The following DOCK5 variants were observed in gnomAD, a reference collection of about 807,000 sequenced individuals.
The protein encoded by DOCK5 is dedicator of cytokinesis 5.
A neutral mutation model predicts 251.8 loss-of-function variants in DOCK5; 142 were observed. The observed-to-expected ratio is 0.56, with a 90% CI of 0.49 to 0.65. The LOEUF is 0.65. DOCK5 is among the 30% of genes least tolerant of loss of function. The probability of loss-of-function intolerance (pLI) is 0.00; values close to 1 mark genes in which losing one functional copy is unlikely to be tolerated. For missense variants in DOCK5, 2,111 were observed against 2,312.3 expected (o/e 0.91, Z 1.79); for synonymous variants, 842 against 835.5 (o/e 1.01, Z -0.13).
In DOCK5 at chr8:25,295,396, A is replaced by T. The variant is rs1033778217; in HGVS notation, c.471-1117A>T. Among the ~76,000 whole-genome samples the T allele has an allele frequency of 5.9e-5, 9 of 151,384 alleles. 1 individual carries two copies. Among genetic ancestry groups the T allele is most frequent in the South Asian group, 4.2e-4 (2 of 4,812 alleles). Reference sequence around the variant, plus strand: ...TTAAGGCTGTCTCTAAAAAAAATAAAAATAAATAAATTCTCACAACAACCT... The same window carrying T: ...TTAAGGCTGTCTCTAAAAAAAATAATAATAAATAAATTCTCACAACAACCT... On this transcript the variant is annotated intron_variant, in intron 6 of 51. Transcript: ENST00000276440.
chr8:25,393,106 T>C (rs990053101), intron 44 of DOCK5, among the ~76,000 whole-genome samples: 1 of 152,152 alleles, frequency 6.6e-6, no homozygotes, highest in Non-Finnish European at 1.5e-5. Context: ...AATGACTCTT[T>C]TATGTCCAGA....
At chr8:25,336,951 T>G (rs1348074803) in intron 22 of DOCK5, among the ~76,000 whole-genome samples, 5 of 152,218 alleles carry the variant, frequency 3.3e-5, no homozygotes, top group African/African-American at 1.2e-4. Context: ...TTAAAATTTT[T>G]TTCTAAGGAA....
chr8:25,351,579 T>G, intron 26 of DOCK5, 152 bp from the exon 27 acceptor site: 1 of 605,362 alleles, frequency 1.7e-6, no homozygotes, highest in Non-Finnish European at 3.0e-6. Context: ...TATATATTAT[T>G]CTGTGAGACC....
chr8:25,318,905 T>C (rs1805344211), intron 14 of DOCK5, among the ~76,000 whole-genome samples: 1 of 152,132 alleles, frequency 6.6e-6, no homozygotes. Context: ...AGGAAGCAGA[T>C]AGCTAGGCAG....
chr8:25,331,894 A>G (rs1805692589), intron 18 of DOCK5, among the ~76,000 whole-genome samples: 1 of 151,660 alleles, frequency 6.6e-6, no homozygotes, highest in Non-Finnish European at 1.5e-5. Context: ...AGACATAGGT[A>G]GTGATAAGGG....
chr8:25,267,484 T>G (rs1370608814), intron 2 of DOCK5, among the ~76,000 whole-genome samples: 1 of 152,238 alleles, frequency 6.6e-6, no homozygotes, highest in Non-Finnish European at 1.5e-5. Context: ...TGTGTCTATT[T>G]TTTGGTTGAT....
intron 1 of DOCK5, among the ~76,000 whole-genome samples, chr8:25,241,181 G>C (rs1031305545): frequency 6.6e-6 from 1 of 152,142 alleles, no homozygotes; most frequent in East Asian, 1.9e-4. Context: ...AATGGCGATC[G>C]TTAAAAGTCA....
intron 23 of DOCK5, among the ~76,000 whole-genome samples, chr8:25,341,435 T>C (rs775363757): frequency 6.6e-6 from 1 of 152,232 alleles, no homozygotes; most frequent in African/African-American, 2.4e-5. Flanking sequence ...TTTTTTGCTC[T>C]TTATGGCCAT....
At chr8:25,406,376 A>G (rs1801523608) in intron 48 of DOCK5, among the ~76,000 whole-genome samples, 1 of 152,238 alleles carries the variant, frequency 6.6e-6, no homozygotes, top group Non-Finnish European at 1.5e-5. Context: ...AGTCTTGAAT[A>G]TAAGTTATCA....
intron 21 of DOCK5, among the ~76,000 whole-genome samples, chr8:25,335,307 CTG>C (rs1282565673): frequency 6.6e-6 from 1 of 152,166 alleles, no homozygotes; most frequent in Non-Finnish European, 1.5e-5. Flanking sequence ...AATCCCATCA[CTG>C]TGATCATACC....
chr8:25,331,797 TATATAGAGAGAGAGAGAGAGAG>T (rs893725565), intron 18 of DOCK5, among the ~76,000 whole-genome samples: 2 of 40,042 alleles, frequency 5.0e-5, no homozygotes, highest in Non-Finnish European at 1.3e-4. Flanking sequence ...TATATATATA[TATATAGAGAGAGAGAGAGAGAG>T]AGAGAGAGAG....
chr8:25,311,012 C>G (rs1293413962), intron 13 of DOCK5, among the ~76,000 whole-genome samples: 4 of 152,182 alleles, frequency 2.6e-5, no homozygotes. Context: ...GCGCCTTGCT[C>G]TCTCCATTCT....
intron 9 of DOCK5, among the ~76,000 whole-genome samples, chr8:25,301,228 G>A (rs1804751971): frequency 6.6e-6 from 1 of 152,196 alleles, no homozygotes; most frequent in Admixed American, 6.5e-5. Flanking sequence ...AGGGGTCTCA[G>A]AGCATATTCA....
At chr8:25,359,172 G>A in intron 28 of DOCK5, 111 bp downstream of exon 28, 2 of 850,282 alleles carry the variant, frequency 2.4e-6, no homozygotes, top group Admixed American at 4.0e-5. Context: ...CGCACCTCCG[G>A]TGCTATGTGG....
intron 1 of DOCK5, among the ~76,000 whole-genome samples, chr8:25,215,932 TACAC>T (rs199685009): frequency 0.16 from 23,261 of 141,156 alleles, 2,013 homozygotes; most frequent in Admixed American, 0.25. Context: ...TGGAAATAAA[TACAC>T]ACACACACAC....
chr8:25,206,603 A>G (rs1333463012), intron 1 of DOCK5, among the ~76,000 whole-genome samples: 1 of 152,190 alleles, frequency 6.6e-6, no homozygotes, highest in Admixed American at 6.5e-5. Flanking sequence ...CACAGCCTGG[A>G]TAGAAGACCC....
At chr8:25,242,854 G>A (rs954034841) in intron 1 of DOCK5, among the ~76,000 whole-genome samples, 1 of 152,170 alleles carries the variant, frequency 6.6e-6, no homozygotes, top group Non-Finnish European at 1.5e-5. Flanking sequence ...GTTTGTCACT[G>A]GAGGGTGGAT....
chr8:25,392,541 A>C (rs2117321657), intron 43 of DOCK5, among the ~76,000 whole-genome samples: 1 of 152,284 alleles, frequency 6.6e-6, no homozygotes, highest in Non-Finnish European at 1.5e-5. Context: ...ACCTTGGGCT[A>C]GTCATACCTC....
chr8:25,226,629 A>C, intron 1 of DOCK5, among the ~76,000 whole-genome samples: 1 of 146,454 alleles, frequency 6.8e-6, no homozygotes, highest in African/African-American at 2.6e-5. Context: ...TGTGTTCCCC[A>C]GATTGGAGTG....
Sources: allele counts gnomAD v4.1 joint callset (sites outside exome capture counted in the v4.1 genomes callset), GRCh38; gene constraint gnomAD v4.1.1; transcripts MANE v1.5; gene names NCBI Gene and HGNC (gene_info 2026-07-23, HGNC 2026-07-21).